The following MGAT5 variants were observed in gnomAD, a reference collection of about 807,000 sequenced individuals.
MGAT5 encodes the protein alpha-1,6-mannosylglycoprotein 6-beta-N-acetylglucosaminyltransferase A.
A neutral mutation model predicts 94.3 loss-of-function variants in MGAT5; 30 were observed. The ratio of observed to expected loss-of-function variants is 0.32; its 90% CI spans 0.24 to 0.43. The LOEUF (loss-of-function observed/expected upper bound fraction) is 0.43. MGAT5 is among the 20% of genes least tolerant of loss of function. MGAT5 has a pLI of 1.00. For synonymous variants in MGAT5, 310 were observed against 322.9 expected (o/e 0.96, Z 0.43); for missense variants, 691 against 905.5 (o/e 0.76, Z 3.04).
At chr2:134,343,243 A>G (rs1196789419) in intron 7 of MGAT5, among the ~76,000 whole-genome samples, 1 of 152,214 alleles carries the variant, frequency 6.6e-6, no homozygotes, top group African/African-American at 2.4e-5. Flanking sequence ...CTCACTTAAC[A>G]TCGTTGATAG....
intron 1 of MGAT5, among the ~76,000 whole-genome samples, chr2:134,142,552 T>C (rs545698475): frequency 6.6e-6 from 1 of 152,218 alleles, no homozygotes; most frequent in East Asian, 1.9e-4. Context: ...ATGAGTGAAC[T>C]GAGGCACAGA....
rs62170036 is a variant in MGAT5 at position 134,428,486 on chromosome 2, T to A, written c.1869+47T>A. Reference sequence around the variant, plus strand: ...TCTGTCTTTGCTGTGTACTGCTTCCTGTGACGCCATAGGGCTCTCAAGAAC... The same window carrying A: ...TCTGTCTTTGCTGTGTACTGCTTCCAGTGACGCCATAGGGCTCTCAAGAAC... On this transcript the variant is annotated intron_variant, in intron 14 of 15. Coordinates refer to ENST00000281923, the MANE Select transcript of MGAT5 (RefSeq NM_002410.5). 10 of 1,537,846 alleles carry A rather than the reference T, an allele frequency of 6.5e-6. No homozygotes were observed. In the South Asian group the frequency reaches 1.1e-4, roughly 17 times the overall value.
intron 1 of MGAT5, among the ~76,000 whole-genome samples, chr2:134,177,440 C>T (rs954240092): frequency 6.6e-6 from 1 of 152,104 alleles, no homozygotes. Flanking sequence ...ACTTTCTACT[C>T]GCATTCCATT....
intron 1 of MGAT5, among the ~76,000 whole-genome samples, chr2:134,213,462 C>A (rs780131671): frequency 1.3e-5 from 2 of 152,160 alleles, no homozygotes; most frequent in Non-Finnish European, 2.9e-5. Flanking sequence ...TTATCCAACT[C>A]TCCAGGTAAT....
intron 2 of MGAT5, among the ~76,000 whole-genome samples, chr2:134,302,133 G>A (rs1053437689): frequency 2.6e-5 from 4 of 152,154 alleles, no homozygotes; most frequent in African/African-American, 9.7e-5. Context: ...TACTACAAGA[G>A]CAACACTGGA....
rs151287194 is a variant in MGAT5, at chr2:134,381,875, C to A, written c.1380+19467C>A. 5.6e-3 allele frequency among the ~76,000 whole-genome samples: 848 copies of A among 152,248 alleles called. 8 individuals carry two copies. Among genetic ancestry groups the A allele is most frequent in the African/African-American group, 0.02 (815 of 41,536 alleles). ...ATTTTTAGCTGCTTCCTGGACCCTG[C>A]TTAAGCATGAACATAGGTTTTTTAT... On this transcript the variant is annotated intron_variant, in intron 10 of 15. Coordinates refer to ENST00000281923, the MANE Select transcript of MGAT5 (RefSeq NM_002410.5).
intron 2 of MGAT5, among the ~76,000 whole-genome samples, chr2:134,310,342 G>A (rs935067000): frequency 6.6e-6 from 1 of 152,182 alleles, no homozygotes; most frequent in Non-Finnish European, 1.5e-5. Context: ...CATATGGAAG[G>A]TGCTAGTGGA....
chr2:134,440,741 G>A (rs1685440874), intron 14 of MGAT5, among the ~76,000 whole-genome samples: 1 of 152,058 alleles, frequency 6.6e-6, no homozygotes, highest in Admixed American at 6.6e-5. Flanking sequence ...GCGGTGCCAT[G>A]TTAGTGATTG....
At chr2:134,267,423 G>C (rs760306504) in intron 1 of MGAT5, among the ~76,000 whole-genome samples, 1 of 152,170 alleles carries the variant, frequency 6.6e-6, no homozygotes, top group Non-Finnish European at 1.5e-5. Context: ...CACACTGCCT[G>C]GCATATAGAA....
intron 1 of MGAT5, among the ~76,000 whole-genome samples, chr2:134,246,616 A>G (rs545129463): frequency 1.3e-4 from 20 of 152,308 alleles, no homozygotes; most frequent in African/African-American, 4.3e-4. Flanking sequence ...TTGGTGGGAC[A>G]TTGCATTAGA....
intron 4 of MGAT5, among the ~76,000 whole-genome samples, chr2:134,321,348 G>T (rs1467580711): frequency 6.6e-6 from 1 of 152,192 alleles, no homozygotes; most frequent in Non-Finnish European, 1.5e-5. Flanking sequence ...GCCTTTGCAT[G>T]TTGGGGTATG....
chr2:134,153,587 TA>T (rs1183066710), intron 1 of MGAT5, among the ~76,000 whole-genome samples: 2 of 152,226 alleles, frequency 1.3e-5, no homozygotes, highest in Non-Finnish European at 2.9e-5. Context: ...GCTGGAAACG[TA>T]ATCCAGTGGT....
chr2:134,339,311 C>T (rs868304773), intron 6 of MGAT5, among the ~76,000 whole-genome samples: 48 of 151,992 alleles, frequency 3.2e-4, no homozygotes, highest in African/African-American at 1.2e-3. Flanking sequence ...TGTGGAGTAA[C>T]CTCGAGGATA....
At chr2:134,405,755 A>T (rs1449123815) in intron 11 of MGAT5, among the ~76,000 whole-genome samples, 2 of 152,054 alleles carry the variant, frequency 1.3e-5, no homozygotes, top group Admixed American at 1.3e-4. Context: ...TCAGCTTCTG[A>T]CTCATTATTT....
In MGAT5 at chr2:134,411,350, A is replaced by G. The variant is rs1399322873; in HGVS notation, c.1531-1519A>G. The stretch of plus-strand genomic sequence containing the variant: ...TGATCTCTGGTGGTTCTGCTGCCCA[A>G]GGGGGAAATGACCCAGCCAGCATTA... On this transcript the variant is annotated intron_variant, in intron 11 of 15. Coordinates refer to ENST00000281923, the MANE Select transcript of MGAT5 (RefSeq NM_002410.5). Among the ~76,000 whole-genome samples, 4 of 152,088 alleles carry G rather than the reference A, an allele frequency of 2.6e-5. No homozygotes were observed. The East Asian group carries it at 5.8e-4, about 22-fold the overall frequency.
intron 1 of MGAT5, among the ~76,000 whole-genome samples, chr2:134,267,453 G>A (rs1683786085): frequency 6.6e-6 from 1 of 152,184 alleles, no homozygotes; most frequent in Non-Finnish European, 1.5e-5. Context: ...AGTGGAGGAG[G>A]TTATATTGGG....
intron 1 of MGAT5, among the ~76,000 whole-genome samples, chr2:134,199,875 T>A (rs1166719992): frequency 6.6e-6 from 1 of 152,118 alleles, no homozygotes; most frequent in Non-Finnish European, 1.5e-5. Context: ...TACTGATTGG[T>A]GCTCTGTATG....
chr2:134,297,907 T>C (rs1020822004), intron 2 of MGAT5, among the ~76,000 whole-genome samples: 2 of 152,140 alleles, frequency 1.3e-5, no homozygotes, highest in African/African-American at 4.8e-5. Context: ...TTCAAATTTT[T>C]TTCTGATAAA....
At chr2:134,245,926 A>G (rs1385720539) in intron 1 of MGAT5, among the ~76,000 whole-genome samples, 1 of 152,154 alleles carries the variant, frequency 6.6e-6, no homozygotes, top group East Asian at 1.9e-4. Context: ...TGCCCACAGG[A>G]AAAATGCAAG....
Sources: gnomAD v4.1 joint callset for allele counts (sites outside exome capture counted in the v4.1 genomes callset) on GRCh38, gnomAD v4.1.1 for gene constraint, MANE v1.5 for transcripts, NCBI Gene and HGNC (gene_info 2026-07-23, HGNC 2026-07-21) for gene names.